The following SNX14 variants were observed in gnomAD, a reference collection of about 807,000 sequenced individuals.
SNX14 encodes the protein sorting nexin-14.
Under a neutral mutation model 133.8 loss-of-function variants are expected in SNX14, and 93 were observed. That is an observed-to-expected ratio of 0.70 (90% confidence interval 0.59 to 0.83). The LOEUF (loss-of-function observed/expected upper bound fraction) is 0.83, where lower values mean the gene tolerates loss of function less well. Ranked by LOEUF, SNX14 falls within the 40% of genes least tolerant of loss-of-function variation. SNX14 has a pLI of 0.00. For synonymous variants in SNX14, 368 were observed against 365.6 expected (o/e 1.01, Z -0.07); for missense variants, 945 against 1,094.9 (o/e 0.86, Z 1.93).
rs1251171106 is a variant in SNX14, at chr6:85,547,312, C to T, written c.993+5G>A. 1.2e-6 allele frequency: 2 copies of T among 1,613,068 alleles called. No homozygotes were observed. The highest frequency in any genetic ancestry group is 2.7e-5 in the African/African-American group (2 of 74,808). The stretch of plus-strand genomic sequence containing the variant: ...CAAAAAGGTGTTATTGCTGAAAATT[C>T]TTACAGATGGCTTTTTATTTCTAGG... On this transcript the variant is annotated splice_donor_5th_base_variant and intron_variant, in intron 11 of 28. Transcript: ENST00000314673.
chr6:85,510,645 G>A (rs80174387), intron 26 of SNX14, among the ~76,000 whole-genome samples: 10,400 of 151,952 alleles, frequency 0.068, 460 homozygotes, highest in Non-Finnish European at 0.092. Flanking sequence ...CAATTATTTC[G>A]TCTATGGTTC....
At position 85,549,065 on chromosome 6, in the gene SNX14, C is replaced by T. The variant is rs188038901; in HGVS notation, c.791+658G>A. Among the ~76,000 whole-genome samples the T allele has an allele frequency of 8.6e-5, 13 of 151,116 alleles. No individual in the cohort carries two copies. The East Asian group carries it at 2.1e-3, about 25-fold the overall frequency. Reference sequence around the variant, plus strand: ...TTTAAATTAATGTTTAATGTAATTACCTTATAATCATATTTACTATTATAA... The same window carrying T: ...TTTAAATTAATGTTTAATGTAATTATCTTATAATCATATTTACTATTATAA... On this transcript the variant is annotated intron_variant, in intron 8 of 28. Coordinates refer to ENST00000314673, the MANE Select transcript of SNX14 (RefSeq NM_153816.6).
chr6:85,557,358 C>T (rs1790112335), intron 7 of SNX14, among the ~76,000 whole-genome samples: 3 of 151,948 alleles, frequency 2.0e-5, no homozygotes, highest in Admixed American at 2.0e-4. Flanking sequence ...AAAGATCCTG[C>T]AGGATATGGT....
At chr6:85,508,511 A>G (rs1167328474) in intron 26 of SNX14, 1 of 373,892 alleles carries the variant, frequency 2.7e-6, no homozygotes, top group African/African-American at 2.2e-5. Flanking sequence ...CAGTGGGCAG[A>G]AGATAGCTTC....
intron 19 of SNX14, among the ~76,000 whole-genome samples, chr6:85,529,168 G>C (rs572307741): frequency 6.6e-6 from 1 of 152,226 alleles, no homozygotes; most frequent in South Asian, 2.1e-4. Context: ...TCTGAGGCAG[G>C]AGAATCACTT....
At chr6:85,592,185 C>T (rs1309508256) in intron 1 of SNX14, among the ~76,000 whole-genome samples, 1 of 152,202 alleles carries the variant, frequency 6.6e-6, no homozygotes, top group South Asian at 2.1e-4. Flanking sequence ...CTCACCATCA[C>T]AGAGCACACT....
At chr6:85,576,493 T>C (rs1797379559) in intron 1 of SNX14, among the ~76,000 whole-genome samples, 1 of 151,556 alleles carries the variant, frequency 6.6e-6, no homozygotes, top group Non-Finnish European at 1.5e-5. Context: ...AACAGGCATT[T>C]GAAACACAGT....
At chr6:85,548,513 GTC>G in intron 8 of SNX14, 137 bp from the exon 9 acceptor site, 1 of 614,614 alleles carries the variant, frequency 1.6e-6, no homozygotes, top group Non-Finnish European at 2.7e-6. Context: ...GGCCCTAAAA[GTC>G]TGCATTTCTA....
At chr6:85,591,576 A>G (rs1042626383) in intron 1 of SNX14, among the ~76,000 whole-genome samples, 1 of 152,156 alleles carries the variant, frequency 6.6e-6, no homozygotes, top group African/African-American at 2.4e-5. Context: ...TTTTAATAAC[A>G]CACAACACTA....
intron 8 of SNX14, among the ~76,000 whole-genome samples, chr6:85,548,687 G>A (rs971105184): frequency 1.1e-4 from 17 of 151,974 alleles, no homozygotes; most frequent in Admixed American, 2.0e-4. Context: ...ACTCTCTATC[G>A]GCCGGGTGGG....
intron 23 of SNX14, among the ~76,000 whole-genome samples, chr6:85,515,283 A>C (rs994975416): frequency 1.3e-5 from 2 of 151,492 alleles, no homozygotes; most frequent in Admixed American, 6.6e-5. Flanking sequence ...AAAAAAAAAA[A>C]AAAACACTAA....
At position 85,536,806 on chromosome 6, in the gene SNX14, C is replaced by T. The variant is rs1190979767; in HGVS notation, c.1594G>A (p.Gly532Ser). The T allele has an allele frequency of 6.2e-7, 1 of 1,609,822 alleles. No homozygotes were observed. The highest frequency in any genetic ancestry group is 2.2e-5 in the East Asian group (1 of 44,714). ...ATTTTACTTACAAAATCATCTTCAC[C>T]TTCAGCTACACCATAATTAGGCAAC... The part of the protein sequence containing the change: ...AMLPNYGVAE[G>S]EDDFIEEGIV... The change falls in exon 17 of 29, where the codon GGT (glycine) becomes AGT (serine). Residue 532 changes from glycine (G) to serine (S), a missense_variant. Physicochemically the swap from Gly to Ser is moderately conservative, Grantham distance 56. Around this residue, in one of 3 missense-constraint regions of SNX14, gnomAD observed 412 missense variants for 516.6 expected, o/e 0.80. Coordinates refer to ENST00000314673, the MANE Select transcript of SNX14 (RefSeq NM_153816.6).
chr6:85,510,450 T>A, intron 26 of SNX14, among the ~76,000 whole-genome samples: 1 of 152,224 alleles, frequency 6.6e-6, no homozygotes, highest in East Asian at 1.9e-4. Flanking sequence ...ATTTGGCCAA[T>A]TTTAAAATCA....
intron 7 of SNX14, among the ~76,000 whole-genome samples, chr6:85,555,082 G>A (rs947123700): frequency 4.6e-5 from 7 of 152,030 alleles, no homozygotes; most frequent in African/African-American, 7.2e-5. Context: ...TCAGCCTTCC[G>A]AAGTGCTGGG....
chr6:85,555,128 T>C (rs571554798), intron 7 of SNX14, among the ~76,000 whole-genome samples: 1 of 152,288 alleles, frequency 6.6e-6, no homozygotes, highest in African/African-American at 2.4e-5. Flanking sequence ...GTCACTCTCA[T>C]AGAGACAAAG....
intron 9 of SNX14, 119 bp from the exon 10 acceptor site, chr6:85,547,669 G>A: frequency 1.2e-6 from 1 of 863,048 alleles, no homozygotes; most frequent in Non-Finnish European, 1.7e-6. Context: ...AAATGGAGCA[G>A]TAGCAAAAAA....
At chr6:85,550,336 C>T (rs760477378) in intron 7 of SNX14, among the ~76,000 whole-genome samples, 4 of 152,112 alleles carry the variant, frequency 2.6e-5, no homozygotes, top group Non-Finnish European at 4.4e-5. Context: ...TTTAAACTTA[C>T]GCCTCTACAA....
chr6:85,538,980 G>T, intron 15 of SNX14, 116 bp from the exon 16 acceptor site: 1 of 747,894 alleles, frequency 1.3e-6, no homozygotes, highest in Non-Finnish European at 2.0e-6. Context: ...AAGTTACACA[G>T]GTGTATAACA....
intron 1 of SNX14, among the ~76,000 whole-genome samples, chr6:85,586,316 G>C (rs774110933): frequency 1.3e-5 from 2 of 151,974 alleles, no homozygotes; most frequent in African/African-American, 2.4e-5. Flanking sequence ...ACTTAGCATG[G>C]TATACAAAGC....
Sources: gnomAD v4.1 joint callset for allele counts (sites outside exome capture counted in the v4.1 genomes callset) on GRCh38, gnomAD v4.1.1 for gene constraint, gnomAD v4.1.1 regional missense constraint, MANE v1.5 for transcripts, NCBI Gene and HGNC (gene_info 2026-07-23, HGNC 2026-07-21) for gene names.